Variants in BTG4 observed in about 807,000 individuals in gnomAD.
The protein encoded by BTG4 is protein BTG4.
Under a neutral mutation model 19.3 loss-of-function variants are expected in BTG4, and 10 were observed. That is an observed-to-expected ratio of 0.52 (90% CI 0.32 to 0.88). The LOEUF (loss-of-function observed/expected upper bound fraction) is 0.88. BTG4 is among the 40% of genes least tolerant of loss of function. BTG4 has a pLI of 0.04. For synonymous variants in BTG4, 91 were observed against 95.7 expected (o/e 0.95, Z 0.29); for missense variants, 238 against 281.9 (o/e 0.84, Z 1.11).
chr11:111,409,404 C>A, the BTG4 span, among the ~76,000 whole-genome samples: 1 of 152,100 alleles, frequency 6.6e-6, no homozygotes, highest in Non-Finnish European at 1.5e-5. Context: ...TGAGTTCTTG[C>A]TCTTGAGAAA....
the BTG4 span, chr11:111,452,677 G>A: frequency 7.2e-5 from 11 of 152,332 alleles, no homozygotes; most frequent in East Asian, 7.7e-4. Context: ...CATTCTAATA[G>A]TTGCTAAGAT....
chr11:111,481,098 G>A (rs551775220), intron 5 of BTG4, among the ~76,000 whole-genome samples: 1 of 151,722 alleles, frequency 6.6e-6, no homozygotes, highest in Non-Finnish European at 1.5e-5. Flanking sequence ...TATCAAGAAT[G>A]AATGTAGGGA....
chr11:111,413,046 G>A, the BTG4 span, among the ~76,000 whole-genome samples: 2 of 152,200 alleles, frequency 1.3e-5, no homozygotes, highest in Non-Finnish European at 2.9e-5. Flanking sequence ...GGAGAGAAGT[G>A]CAGAGTCAGA....
At chr11:111,426,072 C>T in the BTG4 span, among the ~76,000 whole-genome samples, 5 of 152,078 alleles carry the variant, frequency 3.3e-5, no homozygotes, top group Non-Finnish European at 7.4e-5. Context: ...GGCTCTAGTG[C>T]CTAGGTGATT....
At chr11:111,483,280 A>G (rs1277491981) in intron 5 of BTG4, among the ~76,000 whole-genome samples, 1 of 152,178 alleles carries the variant, frequency 6.6e-6, no homozygotes, top group East Asian at 1.9e-4. Flanking sequence ...ATAAATCCAG[A>G]TTACAAAGAT....
At chr11:111,481,792 C>A (rs183304570) in intron 5 of BTG4, among the ~76,000 whole-genome samples, 50 of 151,488 alleles carry the variant, frequency 3.3e-4, no homozygotes, top group African/African-American at 1.2e-3. Flanking sequence ...TGATTAAAAC[C>A]CTCAAAAAAT....
chr11:111,444,526 C>T, the BTG4 span, among the ~76,000 whole-genome samples: 6 of 152,066 alleles, frequency 3.9e-5, no homozygotes, highest in Non-Finnish European at 7.4e-5. Context: ...ATGAATAAGA[C>T]CTACTATTTG....
chr11:111,436,413 G>T, the BTG4 span, among the ~76,000 whole-genome samples: 3 of 152,148 alleles, frequency 2.0e-5, no homozygotes, highest in Admixed American at 6.5e-5. Flanking sequence ...ATCACCTGAG[G>T]TCAGGAGTTC....
chr11:111,404,961 A>G, the BTG4 span, among the ~76,000 whole-genome samples: 1 of 152,220 alleles, frequency 6.6e-6, no homozygotes, highest in Non-Finnish European at 1.5e-5. Flanking sequence ...TTGTAGATAC[A>G]GACCATAATC....
At chr11:111,441,157 A>G in the BTG4 span, among the ~76,000 whole-genome samples, 2 of 151,880 alleles carry the variant, frequency 1.3e-5, no homozygotes, top group African/African-American at 4.8e-5. Context: ...TGTTATTATG[A>G]AATATGCAAG....
chr11:111,448,061 G>A, the BTG4 span, among the ~76,000 whole-genome samples: 2 of 152,142 alleles, frequency 1.3e-5, no homozygotes, highest in South Asian at 2.1e-4. Flanking sequence ...CCCACCCAAG[G>A]GTGAGGATGC....
intron 4 of BTG4, chr11:111,496,922 G>T: frequency 2.7e-6 from 1 of 366,622 alleles, no homozygotes; most frequent in Non-Finnish European, 4.8e-6. Context: ...CTTAATCTTT[G>T]ATTCTGTAGG....
At position 111,498,642 on chromosome 11, in the gene BTG4, G is replaced by A. The variant is rs1742261483; in HGVS notation, c.135C>T (p.His45=). Residue 45 remains histidine (H), a synonymous_variant, in exon 2 of 5, where the codon CAC becomes CAT. Coordinates refer to ENST00000692032, the MANE Select transcript of BTG4 (RefSeq NM_001367975.1). Reference sequence around the variant, plus strand: ...CTTTAGAAGGGCAATCAGAGTGCCAGTGACTTCTGTATGTTTCAAACAAGA... The same window carrying A: ...CTTTAGAAGGGCAATCAGAGTGCCAATGACTTCTGTATGTTTCAAACAAGA... ...MTILFETYRS[H]WHSDCPSKGQ... is the part of the protein sequence containing the mutation. The A allele has an allele frequency of 4.3e-6, 7 of 1,613,608 alleles. No individual in the cohort carries two copies. The South Asian group carries it at 6.6e-5, about 15-fold the overall frequency.
At chr11:111,496,008 C>T (rs1865705737) in intron 4 of BTG4, among the ~76,000 whole-genome samples, 1 of 152,088 alleles carries the variant, frequency 6.6e-6, no homozygotes, top group Non-Finnish European at 1.5e-5. Context: ...AGGGACAAAA[C>T]ATTTGCCAGA....
At chr11:111,390,761 C>T in the BTG4 span, among the ~76,000 whole-genome samples, 26 of 152,172 alleles carry the variant, frequency 1.7e-4, no homozygotes, top group Non-Finnish European at 8.8e-5. Flanking sequence ...CCTCTTTCTT[C>T]GAAGCCTTCC....
At chr11:111,484,622 G>A (rs747437787) in intron 5 of BTG4, among the ~76,000 whole-genome samples, 2 of 151,926 alleles carry the variant, frequency 1.3e-5, no homozygotes, top group Non-Finnish European at 2.9e-5. Flanking sequence ...TCACGGTAAT[G>A]GCAAAGCAAA....
intron 5 of BTG4, among the ~76,000 whole-genome samples, chr11:111,483,319 C>T (rs1864856355): frequency 6.6e-6 from 1 of 152,142 alleles, no homozygotes; most frequent in African/African-American, 2.4e-5. Flanking sequence ...AATGCCCAAA[C>T]ATTGATGAGT....
At chr11:111,417,854 T>C in the BTG4 span, 1 of 152,204 alleles carries the variant, frequency 6.6e-6, no homozygotes, top group South Asian at 2.1e-4. Context: ...TGGACTGTTT[T>C]CATGTTCTTG....
At chr11:111,419,719 C>T in the BTG4 span, among the ~76,000 whole-genome samples, 22 of 152,312 alleles carry the variant, frequency 1.4e-4, no homozygotes, top group African/African-American at 5.3e-4. Context: ...AAGGCCATGG[C>T]GCTGCCAGAC....
Sources: gnomAD v4.1 joint callset for allele counts (sites outside exome capture counted in the v4.1 genomes callset) on GRCh38, gnomAD v4.1.1 for gene constraint, MANE v1.5 for transcripts, NCBI Gene and HGNC (gene_info 2026-07-23, HGNC 2026-07-21) for gene names.